The following THEMIS variants were observed in gnomAD, a reference collection of about 807,000 sequenced individuals.
The protein encoded by THEMIS is thymocyte selection associated.
In THEMIS, 37 loss-of-function variants were observed where a neutral mutation model predicts 52.6. That is an observed-to-expected ratio of 0.70 (90% CI 0.54 to 0.93). THEMIS has a LOEUF of 0.93. Among genes scored for constraint, THEMIS ranks in the 40% least tolerant of loss-of-function variants. THEMIS has a pLI of 0.00. For synonymous variants in THEMIS, 292 were observed against 272.7 expected, an observed-to-expected ratio of 1.07 and a Z score of -0.70; for missense variants, 808 against 763.1, an observed-to-expected ratio of 1.06 and a Z score of -0.69.
At chr6:127,833,987 T>C (rs918370615) in intron 2 of THEMIS, among the ~76,000 whole-genome samples, 14 of 152,142 alleles carry the variant, frequency 9.2e-5, no homozygotes, top group Non-Finnish European at 1.8e-4. Flanking sequence ...GAATATAAAA[T>C]AATAATAGTC....
At chr6:127,904,403 G>A (rs143763089), upstream of THEMIS, among the ~76,000 whole-genome samples, 7 of 152,100 alleles carry the variant, frequency 4.6e-5, no homozygotes, top group South Asian at 8.3e-4. Flanking sequence ...CTCAGTTGGG[G>A]CTCCTGAAGG....
At chr6:127,807,216 C>T (rs1387645621) in intron 4 of THEMIS, 2 of 184,462 alleles carry the variant, frequency 1.1e-5, no homozygotes, top group African/African-American at 4.8e-5. Context: ...CAAAAATTAC[C>T]TGGACGTGGT....
chr6:127,907,778 T>C (rs1781312640), intron 1 of THEMIS, among the ~76,000 whole-genome samples: 1 of 152,068 alleles, frequency 6.6e-6, no homozygotes, highest in African/African-American at 2.4e-5. Flanking sequence ...GGCTTCCATT[T>C]GAAATACCTT....
At chr6:127,913,958 TATGCTTGGGACAAAA>T (rs1781465444) in intron 1 of THEMIS, among the ~76,000 whole-genome samples, 4 of 152,184 alleles carry the variant, frequency 2.6e-5, no homozygotes, top group Non-Finnish European at 5.9e-5. Flanking sequence ...ATTTATCTGA[TATGCTTGGGACAAAA>T]AATGATTCAG....
chr6:127,817,064 C>T (rs1404735406), intron 3 of THEMIS, among the ~76,000 whole-genome samples: 2 of 152,112 alleles, frequency 1.3e-5, no homozygotes, highest in Non-Finnish European at 2.9e-5. Flanking sequence ...TTTCATGTCA[C>T]CCTTCACCTT....
chr6:127,699,154 G>A, the THEMIS span, among the ~76,000 whole-genome samples: 114 of 151,826 alleles, frequency 7.5e-4, no homozygotes, highest in African/African-American at 2.7e-3. Flanking sequence ...CCCTCCCCAA[G>A]TCTTTGGGAG....
intron 1 of THEMIS, among the ~76,000 whole-genome samples, chr6:127,858,603 T>C (rs1327615629): frequency 6.6e-6 from 1 of 152,128 alleles, no homozygotes; most frequent in African/African-American, 2.4e-5. Context: ...AATATCCAAC[T>C]TTCATTATCT....
chr6:127,832,075 GAC>G (rs1264282660), intron 2 of THEMIS, among the ~76,000 whole-genome samples: 1 of 152,100 alleles, frequency 6.6e-6, no homozygotes, highest in Non-Finnish European at 1.5e-5. Flanking sequence ...AAAAGGTAGA[GAC>G]ACATAGTTTT....
intron 1 of THEMIS, among the ~76,000 whole-genome samples, chr6:127,855,862 C>T (rs1452964391): frequency 2.6e-5 from 4 of 151,914 alleles, no homozygotes; most frequent in Non-Finnish European, 4.4e-5. Context: ...TTTTCATTCA[C>T]TTATTTTCCT....
At chr6:127,866,577 T>C (rs990954916) in intron 1 of THEMIS, among the ~76,000 whole-genome samples, 1 of 152,006 alleles carries the variant, frequency 6.6e-6, no homozygotes, top group African/African-American at 2.4e-5. Context: ...AATTGCCCTT[T>C]GGTGGATGAG....
chr6:127,880,126 T>C (rs1002640779), intron 1 of THEMIS, among the ~76,000 whole-genome samples: 3 of 152,206 alleles, frequency 2.0e-5, no homozygotes, highest in Non-Finnish European at 2.9e-5. Flanking sequence ...GGCTGGGGCT[T>C]TTATTTTATA....
At chr6:127,798,885 G>T (rs552304506) in intron 4 of THEMIS, among the ~76,000 whole-genome samples, 63 of 151,340 alleles carry the variant, frequency 4.2e-4, no homozygotes, top group African/African-American at 1.5e-3. Context: ...CCAGCTACTC[G>T]GGAGGCTGAG....
rs1413452317 is a variant in THEMIS, at chr6:127,708,830, T to C, written c.*1155A>G. On this transcript the variant is annotated 3_prime_UTR_variant, in exon 6 of 6. Coordinates refer to ENST00000368248, the MANE Select transcript of THEMIS (RefSeq NM_001010923.3). ...TGTTCTAAAGTTGACTCACAATTTA[T>C]TGTCTTCAGAAACACTTTGGTACAA... 6.6e-6 allele frequency: 1 copy of C among 152,016 alleles called. No individual in the cohort carries two copies. Among genetic ancestry groups the C allele is most frequent in the African/African-American group, 2.4e-5 (1 of 41,426 alleles). The allele number at this position is 152,016 out of a possible 1,614,324, so 9.4% of individuals were successfully genotyped here.
chr6:127,838,946 T>G (rs148964380), intron 2 of THEMIS, among the ~76,000 whole-genome samples: 4 of 152,268 alleles, frequency 2.6e-5, no homozygotes, highest in Admixed American at 2.6e-4. Flanking sequence ...AGTTTTTGAT[T>G]TTCTGTAAGC....
chr6:127,757,896 G>T (rs1775889079), intron 4 of THEMIS, among the ~76,000 whole-genome samples: 1 of 151,918 alleles, frequency 6.6e-6, no homozygotes, highest in East Asian at 1.9e-4. Flanking sequence ...GTAATAAAGG[G>T]CAGTACATAT....
Position 127,783,829 on chromosome 6 carries a change from G to C in THEMIS, c.1758+29054C>G, listed in dbSNP as rs1027502994. On this transcript the variant is annotated intron_variant, in intron 4 of 5. Transcript: ENST00000368248. Reference sequence around the variant, plus strand: ...CAACCATTGTGGAAGACAGTGTGGCGATTCCTCAAGGATCTAGAACCTGAA... The same window carrying C: ...CAACCATTGTGGAAGACAGTGTGGCCATTCCTCAAGGATCTAGAACCTGAA... 1.3e-5 allele frequency among the ~76,000 whole-genome samples: 2 copies of C among 152,180 alleles called. 1 individual carries two copies. The highest frequency in any genetic ancestry group is 1.3e-4 in the Admixed American group (2 of 15,284).
intron 2 of THEMIS, among the ~76,000 whole-genome samples, chr6:127,850,473 T>C (rs974899762): frequency 3.3e-5 from 5 of 151,808 alleles, no homozygotes; most frequent in African/African-American, 9.7e-5. Flanking sequence ...ATTGCAAAGA[T>C]ATGGAACTGA....
chr6:127,885,974 G>C (rs1780632730), intron 1 of THEMIS, among the ~76,000 whole-genome samples: 1 of 151,912 alleles, frequency 6.6e-6, no homozygotes, highest in Admixed American at 6.6e-5. Flanking sequence ...TTCCCCATTG[G>C]ACATTGCAAT....
rs141365170 is a variant in THEMIS, at chr6:127,781,806, G to T, written c.1758+31077C>A. On this transcript the variant is annotated intron_variant, in intron 4 of 5. Coordinates refer to ENST00000368248, the MANE Select transcript of THEMIS (RefSeq NM_001010923.3). ...GAGCACCAGCCAGATTCCAGCTGGA[G>T]CTCTCCTGTATGAGGTGTCTGTCGA... Among the ~76,000 whole-genome samples, 27 of 152,214 alleles carry T rather than the reference G, an allele frequency of 1.8e-4. 1 individual carries two copies. The East Asian group carries it at 3.7e-3, about 21-fold the overall frequency.
Sources: allele counts gnomAD v4.1 joint callset (sites outside exome capture counted in the v4.1 genomes callset), GRCh38; gene constraint gnomAD v4.1.1; transcripts MANE v1.5; gene names NCBI Gene and HGNC (gene_info 2026-07-23, HGNC 2026-07-21).